The following PRKCB variants were observed in gnomAD, a reference collection of about 807,000 sequenced individuals.
PRKCB encodes protein kinase C beta, also known as protein kinase C beta type.
PRKCB carries 13 observed loss-of-function variants against 81.5 expected under a neutral mutation model. The observed-to-expected ratio is 0.16, with a 90% CI of 0.10 to 0.25. The LOEUF is 0.25. Ranked by LOEUF, PRKCB falls within the 10% of genes least tolerant of loss-of-function variation. PRKCB has a pLI of 1.00. For missense variants in PRKCB, 509 were observed against 875.7 expected (o/e 0.58, Z 5.29); for synonymous variants, 335 against 321.4 (o/e 1.04, Z -0.45).
chr16:24,187,462 C>A (rs1967720669), intron 15 of PRKCB, among the ~76,000 whole-genome samples: 1 of 152,164 alleles, frequency 6.6e-6, no homozygotes, highest in Non-Finnish European at 1.5e-5. Context: ...AGAATAGAGG[C>A]TGGCACTCTG....
chr16:23,992,002 T>C (rs1020406801), intron 3 of PRKCB, among the ~76,000 whole-genome samples: 3 of 152,226 alleles, frequency 2.0e-5, no homozygotes, highest in African/African-American at 7.2e-5. Flanking sequence ...GATCAGTTCA[T>C]GGGGGAAGAG....
intron 2 of PRKCB, among the ~76,000 whole-genome samples, chr16:23,863,545 C>T (rs1408622357): frequency 1.3e-5 from 2 of 152,102 alleles, no homozygotes; most frequent in African/African-American, 4.8e-5. Flanking sequence ...GGCTGCTGCA[C>T]CCGATGTCCC....
chr16:24,105,230 T>A (rs948524280), intron 7 of PRKCB, among the ~76,000 whole-genome samples: 1 of 152,110 alleles, frequency 6.6e-6, no homozygotes, highest in Non-Finnish European at 1.5e-5. Flanking sequence ...CTAATTTTTG[T>A]GTTTTTAGTA....
intron 6 of PRKCB, 51 bp downstream of exon 6, chr16:24,092,998 G>A (rs1179816433): frequency 6.4e-7 from 1 of 1,572,936 alleles, no homozygotes; most frequent in Non-Finnish European, 8.6e-7. Context: ...TGGGTTATGT[G>A]CCACCTGAAA....
rs1219127854 is a variant in PRKCB, at chr16:24,096,652, C to CA, written c.821+2370dup. On this transcript the variant is annotated intron_variant, in intron 7 of 16. Coordinates refer to ENST00000643927, the MANE Select transcript of PRKCB (RefSeq NM_002738.7). ...ATTTTATTTTGCTCCCTTCCTATGG[C>CA]AAAAAAAAAAAAAAATATATATATA... 3.6e-3 allele frequency among the ~76,000 whole-genome samples: 152 copies of CA among 41,760 alleles called. 1 individual carries two copies. The highest frequency in any genetic ancestry group is 0.012 in the South Asian group (13 of 1,092). 27.4% of individuals were successfully genotyped at this position (41,760 alleles called of 152,430 possible).
intron 4 of PRKCB, among the ~76,000 whole-genome samples, chr16:24,034,344 A>G (rs1285495842): frequency 6.6e-6 from 1 of 152,124 alleles, no homozygotes; most frequent in African/African-American, 2.4e-5. Context: ...CCCTTGAAAT[A>G]GGGGCCCATG....
chr16:23,932,654 C>G (rs1963995820), intron 2 of PRKCB, among the ~76,000 whole-genome samples: 1 of 152,194 alleles, frequency 6.6e-6, no homozygotes, highest in African/African-American at 2.4e-5. Context: ...ATAGAGAAAG[C>G]TTATCTTCAG....
chr16:24,110,069 A>G (rs1478351311), intron 7 of PRKCB, among the ~76,000 whole-genome samples: 1 of 113,542 alleles, frequency 8.8e-6, no homozygotes, highest in Admixed American at 8.2e-5. Context: ...TCGGCTCAGC[A>G]TGAGAGGGAG....
chr16:24,020,347 G>A (rs1045552633), intron 3 of PRKCB, among the ~76,000 whole-genome samples: 6 of 152,022 alleles, frequency 3.9e-5, no homozygotes, highest in Non-Finnish European at 2.9e-5. Flanking sequence ...TATTATGTTG[G>A]TGCAAAAGTA....
At chr16:23,847,352 CTAT>C (rs1205995541) in intron 2 of PRKCB, among the ~76,000 whole-genome samples, 2 of 112,266 alleles carry the variant, frequency 1.8e-5, no homozygotes, top group African/African-American at 8.5e-5. Context: ...ATCTATCTAT[CTAT>C]CTATCTATCT....
At chr16:23,937,952 A>G (rs1361814526) in intron 2 of PRKCB, among the ~76,000 whole-genome samples, 1 of 152,162 alleles carries the variant, frequency 6.6e-6, no homozygotes, top group African/African-American at 2.4e-5. Flanking sequence ...CTAGGGTGTG[A>G]GTGCATTGTG....
intron 2 of PRKCB, among the ~76,000 whole-genome samples, chr16:23,941,846 A>T (rs973371125): frequency 6.6e-6 from 1 of 152,204 alleles, no homozygotes; most frequent in Non-Finnish European, 1.5e-5. Flanking sequence ...TAAATGAAAG[A>T]TGGTTGATAG....
intron 9 of PRKCB, among the ~76,000 whole-genome samples, chr16:24,127,066 C>T (rs1294670747): frequency 2.0e-5 from 3 of 146,622 alleles, no homozygotes; most frequent in Admixed American, 7.0e-5. Flanking sequence ...AGTGCAATGG[C>T]ACAATCTCAG....
chr16:24,038,387 G>A (rs951002010), intron 5 of PRKCB, among the ~76,000 whole-genome samples: 7 of 152,214 alleles, frequency 4.6e-5, no homozygotes, highest in Non-Finnish European at 8.8e-5. Context: ...GTATAAAGAA[G>A]TTTAATAGCA....
At position 24,218,725 on chromosome 16, in the gene PRKCB, A is replaced by T; in HGVS notation, c.*3909A>T. 3 of 985,446 alleles carry T rather than the reference A, an allele frequency of 3.0e-6. No homozygotes were observed. Among genetic ancestry groups the T allele is most frequent in the Non-Finnish European group, 3.6e-6 (3 of 829,986 alleles). The allele number at this position is 985,446 out of a possible 1,614,324, so 61.0% of individuals were successfully genotyped here. On this transcript the variant is annotated 3_prime_UTR_variant, in exon 17 of 17. Transcript: ENST00000643927. ...GGTGGTGATGGCTCAAACGCTAATG[A>T]GTCAGTGAATCCTTACCGACCCCCT...
At chr16:24,213,016 A>G (rs1430937346) in intron 16 of PRKCB, among the ~76,000 whole-genome samples, 1 of 130,786 alleles carries the variant, frequency 7.6e-6, no homozygotes, top group African/African-American at 2.7e-5. Flanking sequence ...ATATTTATTT[A>G]TTTATTTATT....
Position 23,981,670 on chromosome 16 carries a change from C to T in PRKCB, c.206-6838C>T, listed in dbSNP as rs1308967399. On this transcript the variant is annotated intron_variant, in intron 2 of 16. Coordinates refer to ENST00000643927, the MANE Select transcript of PRKCB (RefSeq NM_002738.7). ...CTCCTTCCCTTCCTTTTTTCCCTTT[C>T]TCTTCCCCTTCCCCTTCCCTTCCCC... Among the ~76,000 whole-genome samples the T allele has an allele frequency of 2.5e-5, 3 of 121,852 alleles. No individual in the cohort carries two copies. The Admixed American group carries it at 2.5e-4, about 10-fold the overall frequency. 79.9% of individuals were successfully genotyped at this position (121,852 alleles called of 152,430 possible).
intron 2 of PRKCB, among the ~76,000 whole-genome samples, chr16:23,865,897 C>G (rs1037939678): frequency 2.6e-5 from 4 of 151,922 alleles, no homozygotes; most frequent in Admixed American, 6.6e-5. Context: ...GCCTTTTAGT[C>G]TTTGTGTTTC....
chr16:24,140,593 G>C (rs957938412), intron 9 of PRKCB, among the ~76,000 whole-genome samples: 1 of 152,138 alleles, frequency 6.6e-6, no homozygotes, highest in African/African-American at 2.4e-5. Flanking sequence ...TGGTCCTTAT[G>C]CTCTGTATCC....
Sources: allele counts gnomAD v4.1 joint callset (sites outside exome capture counted in the v4.1 genomes callset), GRCh38; gene constraint gnomAD v4.1.1; transcripts MANE v1.5; gene names NCBI Gene and HGNC (gene_info 2026-07-23, HGNC 2026-07-21).